Variants in HABP2 observed in about 807,000 individuals in gnomAD.
HABP2 encodes the protein hyaluronan binding protein 2.
Under a neutral mutation model 66.5 loss-of-function variants are expected in HABP2, and 65 were observed. The ratio of observed to expected loss-of-function variants is 0.98; its 90% CI spans 0.80 to 1.20. The LOEUF is 1.20. HABP2 is among the 50% of genes most tolerant of loss of function. The pLI, the probability that HABP2 is intolerant of heterozygous loss-of-function variation, is 0.00. For missense variants in HABP2, 786 were observed against 691.0 expected (o/e 1.14, Z -1.54); for synonymous variants, 263 against 253.9 (o/e 1.04, Z -0.34).
At chr10:113,564,434 T>G (rs769335574) in intron 1 of HABP2, among the ~76,000 whole-genome samples, 1 of 152,042 alleles carries the variant, frequency 6.6e-6, no homozygotes, top group Non-Finnish European at 1.5e-5. Flanking sequence ...GGAGCACCCC[T>G]AAGGCCTAAG....
chr10:113,554,986 T>G (rs1302698365), intron 1 of HABP2, among the ~76,000 whole-genome samples: 1 of 152,150 alleles, frequency 6.6e-6, no homozygotes, highest in Non-Finnish European at 1.5e-5. Flanking sequence ...CAGGCTGGCA[T>G]ACAGACATCA....
chr10:113,580,194 C>T (rs1240850574), intron 7 of HABP2, among the ~76,000 whole-genome samples: 12 of 152,078 alleles, frequency 7.9e-5, no homozygotes, highest in Non-Finnish European at 1.5e-5. Context: ...TCTTGGCAGC[C>T]TTTCTCAGAG....
intron 6 of HABP2, 80 bp downstream of exon 6, chr10:113,578,225 G>A: frequency 6.7e-7 from 1 of 1,493,944 alleles, no homozygotes; most frequent in Non-Finnish European, 9.2e-7. Flanking sequence ...GCCAGAATGT[G>A]GTTCAAATCA....
In HABP2 at chr10:113,574,339, G is replaced by A; in HGVS notation, c.157G>A (p.Glu53Lys). The change falls in exon 3 of 13, where the codon GAG becomes AAG. Residue 53 changes from glutamate (E) to lysine (K), a missense_variant. Physicochemically the swap from Glu to Lys is moderately conservative, Grantham distance 56 (BLOSUM62 1). Coordinates refer to ENST00000351270, the MANE Select transcript of HABP2 (RefSeq NM_004132.5). ...DYSYEDYNQEENTSSTLTHAE... is the reference protein window; with the variant it reads ...DYSYEDYNQEKNTSSTLTHAE... ...CAGCTACGAGGATTATAATCAGGAA[G>A]AGAACACCAGTAGCACACTTACCCA... 2 of 1,609,276 alleles carry A rather than the reference G, an allele frequency of 1.2e-6. No individual in the cohort carries two copies. Among genetic ancestry groups the A allele is most frequent in the Non-Finnish European group, 1.7e-6 (2 of 1,175,446 alleles).
At chr10:113,584,324 A>G (rs201022679) in intron 11 of HABP2, 42 bp downstream of exon 11, 21 of 1,590,566 alleles carry the variant, frequency 1.3e-5, no homozygotes, top group Middle Eastern at 1.7e-4. Context: ...GGTGAACTAC[A>G]TCAACCAGAG....
At chr10:113,565,162 G>C (rs1303754489) in intron 1 of HABP2, among the ~76,000 whole-genome samples, 1 of 152,188 alleles carries the variant, frequency 6.6e-6, no homozygotes, top group Non-Finnish European at 1.5e-5. Context: ...TTAAGAATAA[G>C]TACATTTTCC....
chr10:113,574,764 C>T (rs1164105344), intron 3 of HABP2, among the ~76,000 whole-genome samples: 1 of 152,114 alleles, frequency 6.6e-6, no homozygotes, highest in African/African-American at 2.4e-5. Context: ...CAGGTCAGAC[C>T]CTAAGGATGC....
At chr10:113,576,832 G>A (rs1845420219) in intron 4 of HABP2, among the ~76,000 whole-genome samples, 1 of 152,200 alleles carries the variant, frequency 6.6e-6, no homozygotes, top group South Asian at 2.1e-4. Flanking sequence ...TGACAAAACT[G>A]TAAATGCATT....
In HABP2 at chr10:113,559,358, A is replaced by G. The variant is rs573126620; in HGVS notation, c.69+6168A>G. 3.3e-5 allele frequency among the ~76,000 whole-genome samples: 5 copies of G among 152,342 alleles called. No individual in the cohort carries two copies. The East Asian group carries it at 5.8e-4, about 18-fold the overall frequency. On this transcript the variant is annotated intron_variant, in intron 1 of 12. Transcript: ENST00000351270. ...GCGGAGTAATCATTGCAAATGCCAT[A>G]TTCTTCCTGAGCAGCCAAAGTTCCT...
chr10:113,560,912 G>C (rs1365953759), intron 1 of HABP2, among the ~76,000 whole-genome samples: 1 of 152,192 alleles, frequency 6.6e-6, no homozygotes, highest in Admixed American at 6.5e-5. Flanking sequence ...TCCATGCTGG[G>C]GATGACGAAA....
intron 1 of HABP2, among the ~76,000 whole-genome samples, chr10:113,553,767 A>T (rs1055817894): frequency 6.6e-6 from 1 of 152,204 alleles, no homozygotes; most frequent in South Asian, 2.1e-4. Context: ...GAAGGTGAGC[A>T]GGGGCCCAAG....
Position 113,585,856 on chromosome 10 carries a change from C to T in HABP2, c.1436C>T (p.Ser479Phe), listed in dbSNP as rs769161633. The T allele has an allele frequency of 1.9e-6, 3 of 1,613,416 alleles. No homozygotes were observed. The highest frequency in any genetic ancestry group is 1.1e-5 in the South Asian group (1 of 91,076). Residue 479 changes from serine to phenylalanine, a missense_variant, in exon 12 of 13, where the codon TCC becomes TTC. Transcript: ENST00000351270. ...CTGATTGCCAACACTTTGTGCAACT[C>T]CCGCCAACTCTATGACCACATGATT... is the stretch of plus-strand genomic sequence containing the variant. ...VKLIANTLCN[S>F]RQLYDHMIDD...
intron 2 of HABP2, 114 bp from the exon 3 acceptor site, chr10:113,574,175 A>T: frequency 1.5e-6 from 1 of 660,980 alleles, no homozygotes; most frequent in Admixed American, 2.2e-5. Context: ...GAGACACATG[A>T]TTCCTCCTGC....
chr10:113,589,599 G>GAAAC, exon 13 of HABP2: 6 of 1,552,606 alleles, frequency 3.9e-6, no homozygotes, highest in Non-Finnish European at 5.2e-6. Flanking sequence ...ACTTTGAAAA[G>GAAAC]AAACAATGAG....
At chr10:113,574,262 T>C in intron 2 of HABP2, 27 bp from the exon 3 acceptor site, 1 of 1,123,578 alleles carries the variant, frequency 8.9e-7, no homozygotes, top group Non-Finnish European at 1.4e-6. Context: ...GATTAGGATT[T>C]CTTCTGTCCT....
At chr10:113,574,809 A>G (rs942213976) in intron 3 of HABP2, among the ~76,000 whole-genome samples, 11 of 152,360 alleles carry the variant, frequency 7.2e-5, no homozygotes, top group African/African-American at 2.6e-4. Context: ...ACCAGACTGT[A>G]GCATGTACAC....
intron 1 of HABP2, among the ~76,000 whole-genome samples, chr10:113,557,928 T>G (rs1243744984): frequency 6.6e-6 from 1 of 152,240 alleles, no homozygotes; most frequent in Non-Finnish European, 1.5e-5. Flanking sequence ...TTAAATCATC[T>G]ACTCAAGATG....
At chr10:113,567,316 G>A (rs1484443102) in intron 1 of HABP2, among the ~76,000 whole-genome samples, 173 bp from the exon 2 acceptor site, 2 of 152,128 alleles carry the variant, frequency 1.3e-5, no homozygotes, top group African/African-American at 4.8e-5. Context: ...TGGAGGGGGT[G>A]TATCTTCAAA....
In HABP2 at chr10:113,581,881, GCCTAC is replaced by G; in HGVS notation, c.847_851del (p.Tyr283ArgfsTer6). ...ATCTTTCTTGTGTCCCACAGACGTT[GCCTAC>G]CCAGAGGAAAGCCCCACTGAGCCAT... On this transcript the variant is annotated frameshift_variant, in exon 9 of 13. Coordinates refer to ENST00000351270, the MANE Select transcript of HABP2 (RefSeq NM_004132.5). LOFTEE classifies it high-confidence loss of function. The G allele has an allele frequency of 1.2e-6, 2 of 1,614,098 alleles. No homozygotes were observed. The highest frequency in any genetic ancestry group is 1.7e-6 in the Non-Finnish European group (2 of 1,179,976).
Sources: allele counts gnomAD v4.1 joint callset (sites outside exome capture counted in the v4.1 genomes callset), GRCh38; gene constraint gnomAD v4.1.1; transcripts MANE v1.5; gene names NCBI Gene and HGNC (gene_info 2026-07-23, HGNC 2026-07-21).